Variants in PRKN observed in about 807,000 individuals in gnomAD.
PRKN encodes parkin RBR E3 ubiquitin protein ligase.
PRKN carries 56 observed loss-of-function variants against 59.5 expected under a neutral mutation model. The observed-to-expected ratio is 0.94, with a 90% confidence interval of 0.76 to 1.18. The LOEUF (loss-of-function observed/expected upper bound fraction) is 1.18. Among genes scored for constraint, PRKN ranks in the 50% most tolerant of loss-of-function variants. The probability of loss-of-function intolerance (pLI) is 0.00; values close to 1 mark genes in which losing one functional copy is unlikely to be tolerated. For synonymous variants in PRKN, 250 were observed against 222.1 expected, an observed-to-expected ratio of 1.13 and a Z score of -1.12; for missense variants, 657 against 596.4, an observed-to-expected ratio of 1.10 and a Z score of -1.06.
At chr6:162,641,352 A>T (rs1436393623) in intron 1 of PRKN, among the ~76,000 whole-genome samples, 2 of 150,936 alleles carry the variant, frequency 1.3e-5, no homozygotes, top group East Asian at 3.9e-4. Flanking sequence ...TTACACTGAA[A>T]TTTTTTTTTT....
At chr6:162,644,666 G>A (rs925367515) in intron 1 of PRKN, among the ~76,000 whole-genome samples, 1 of 152,126 alleles carries the variant, frequency 6.6e-6, no homozygotes, top group Non-Finnish European at 1.5e-5. Context: ...AATTTTCTTA[G>A]TAAACTTGTA....
chr6:161,545,258 A>T lies in PRKN; in HGVS notation c.1083+3596T>A, dbSNP rs532934181. The T allele has an allele frequency of 9.2e-6, 13 of 1,419,176 alleles. No individual in the cohort carries two copies. The East Asian group carries it at 3.1e-4, about 34-fold the overall frequency. The allele number at this position is 1,419,176 out of a possible 1,614,324, so 87.9% of individuals were successfully genotyped here. Reference sequence around the variant, plus strand: ...CGGGTGAATTCACAGGCATCTTACAATAAATCTGTGAACCACATCCTGATA... The same window carrying T: ...CGGGTGAATTCACAGGCATCTTACATTAAATCTGTGAACCACATCCTGATA... On this transcript the variant is annotated intron_variant, in intron 9 of 11. Coordinates refer to ENST00000366898, the MANE Select transcript of PRKN (RefSeq NM_004562.3). The surrounding 1 kb of genome is among the most constrained non-coding windows in gnomAD (Gnocchi z 4.1).
At chr6:162,235,981 G>GAAAGAAAGAAAGAAAGAAAGAAAGAA (rs1778677997) in intron 3 of PRKN, among the ~76,000 whole-genome samples, 1 of 105,316 alleles carries the variant, frequency 9.5e-6, no homozygotes, top group African/African-American at 3.9e-5. Context: ...AAGAAAGAAA[G>GAAAGAAAGAAAGAAAGAAAGAAAGAA]AAAGAAAGAA....
At chr6:161,957,432 G>GTTTT (rs759971034) in intron 6 of PRKN, among the ~76,000 whole-genome samples, 15,013 of 112,504 alleles carry the variant, frequency 0.13, 919 homozygotes, top group Middle Eastern at 0.18. Context: ...TTGTTTGTTT[G>GTTTT]TTTGTTTTTT....
chr6:162,546,619 T>G (rs35494059), intron 1 of PRKN, among the ~76,000 whole-genome samples: 13,298 of 151,900 alleles, frequency 0.088, 718 homozygotes, highest in South Asian at 0.18. Flanking sequence ...AATTTTTGTA[T>G]TTTTAGTTGA....
In PRKN at chr6:161,361,683, G is replaced by A. The variant is rs150676196; in HGVS notation, c.1168-1478C>T. The stretch of plus-strand genomic sequence containing the variant: ...AAGCCAATTTCGTTTCTGTTAATGA[G>A]CCATCATGGGCACAAAGGAAACACC... On this transcript the variant is annotated intron_variant, in intron 10 of 11. Transcript: ENST00000366898. This position sits in a 1 kb window ranked among gnomAD's most constrained non-coding sequence, Gnocchi z 5.2. Among the ~76,000 whole-genome samples the A allele has an allele frequency of 6.6e-6, 1 of 152,300 alleles. No homozygotes were observed. Among genetic ancestry groups the A allele is most frequent in the African/African-American group, 2.4e-5 (1 of 41,574 alleles).
chr6:162,273,303 G>A (rs1260020074), intron 2 of PRKN, among the ~76,000 whole-genome samples: 2 of 151,994 alleles, frequency 1.3e-5, no homozygotes, highest in East Asian at 3.9e-4. Context: ...ACAGTTTCAG[G>A]TGTGAGGCAC....
Position 161,488,174 on chromosome 6 carries a change from C to T in PRKN, c.1083+60680G>A, listed in dbSNP as rs73589801. ...GTTTAGAGGGCTAAATGAATGGAGG[C>T]AGCCATGCAAAAAGCTGAAGGAAGG... is the stretch of plus-strand genomic sequence containing the variant. On this transcript the variant is annotated intron_variant, in intron 9 of 11. Transcript: ENST00000366898. This position sits in a 1 kb window ranked among gnomAD's most constrained non-coding sequence, Gnocchi z 4.5. Among the ~76,000 whole-genome samples the T allele has an allele frequency of 0.031, 4,752 of 152,230 alleles. 232 individuals carry two copies. Among genetic ancestry groups the T allele is most frequent in the African/African-American group, 0.11 (4,536 of 41,512 alleles).
intron 4 of PRKN, among the ~76,000 whole-genome samples, chr6:162,060,095 C>CTA (rs1164780354): frequency 6.6e-6 from 1 of 152,146 alleles, no homozygotes; most frequent in East Asian, 1.9e-4. Context: ...AAAAAACTTG[C>CTA]CAACCCCTGA....
chr6:162,559,379 G>A (rs1779744490), intron 1 of PRKN, among the ~76,000 whole-genome samples: 1 of 151,564 alleles, frequency 6.6e-6, no homozygotes, highest in African/African-American at 2.4e-5. Context: ...CCCAGCCCCT[G>A]CCATCCCATC....
chr6:161,488,449 G>A lies in PRKN; in HGVS notation c.1083+60405C>T, dbSNP rs147930615. On this transcript the variant is annotated intron_variant, in intron 9 of 11. Transcript: ENST00000366898. This position sits in a 1 kb window ranked among gnomAD's most constrained non-coding sequence, Gnocchi z 4.5. ...TAAGTAATGTTCACAGAGGAGCAGA[G>A]AAGATAACAGAGACCGAGAAGGACA... Among the ~76,000 whole-genome samples, 37 of 152,272 alleles carry A rather than the reference G, an allele frequency of 2.4e-4. 1 individual carries two copies. In the East Asian group the frequency reaches 7.1e-3, roughly 29 times the overall value.
intron 2 of PRKN, among the ~76,000 whole-genome samples, chr6:162,343,743 CAG>C (rs1284461616): frequency 6.6e-6 from 1 of 151,892 alleles, no homozygotes; most frequent in Non-Finnish European, 1.5e-5. Context: ...GTGTAGAAGA[CAG>C]GGATTATAGA....
At chr6:161,863,879 T>C (rs1343855422) in intron 6 of PRKN, among the ~76,000 whole-genome samples, 1 of 152,220 alleles carries the variant, frequency 6.6e-6, no homozygotes, top group Non-Finnish European at 1.5e-5. Context: ...GTTTATACTA[T>C]GCCATAGTCA....
intron 3 of PRKN, among the ~76,000 whole-genome samples, chr6:162,225,132 C>T (rs1778112119): frequency 6.6e-6 from 1 of 152,162 alleles, no homozygotes; most frequent in Admixed American, 6.6e-5. Context: ...GTGGTGAGAG[C>T]ACATCTATGA....
At position 162,389,621 on chromosome 6, in the gene PRKN, T is replaced by C. The variant is rs141359813; in HGVS notation, c.171+53689A>G. ...AACCAGTGTGTATTGCAGCAGATACTTGGCAAAAGCATGTTAATTTGCTAC... is the reference window on the plus strand; with the variant it reads ...AACCAGTGTGTATTGCAGCAGATACCTGGCAAAAGCATGTTAATTTGCTAC... On this transcript the variant is annotated intron_variant, in intron 2 of 11. Transcript: ENST00000366898. 5.3e-5 allele frequency among the ~76,000 whole-genome samples: 8 copies of C among 152,326 alleles called. No individual in the cohort carries two copies. The East Asian group carries it at 7.7e-4, about 15-fold the overall frequency.
chr6:161,953,906 C>T (rs1780075888), intron 6 of PRKN, among the ~76,000 whole-genome samples: 1 of 152,126 alleles, frequency 6.6e-6, no homozygotes, highest in Non-Finnish European at 1.5e-5. Context: ...CACTTTAGTA[C>T]AAAACCTGGG....
chr6:162,519,929 A>G (rs1245832446), intron 1 of PRKN, among the ~76,000 whole-genome samples: 4 of 152,212 alleles, frequency 2.6e-5, no homozygotes, highest in African/African-American at 4.8e-5. Context: ...AATTGAAGAT[A>G]TCAAAATATA....
chr6:162,194,148 T>C (rs1384035378), intron 4 of PRKN, among the ~76,000 whole-genome samples: 8 of 152,210 alleles, frequency 5.3e-5, no homozygotes, highest in South Asian at 2.1e-4. Flanking sequence ...TTTATAACAA[T>C]AGACGTACAA....
At chr6:162,445,533 T>G in intron 1 of PRKN, among the ~76,000 whole-genome samples, 1 of 151,362 alleles carries the variant, frequency 6.6e-6, no homozygotes, top group East Asian at 1.9e-4. Flanking sequence ...CAAAAAATTT[T>G]TTTAAACAAT....
Sources: allele counts gnomAD v4.1 joint callset (sites outside exome capture counted in the v4.1 genomes callset), GRCh38; gene constraint gnomAD v4.1.1; non-coding constraint Gnocchi (gnomAD v3.1); transcripts MANE v1.5; gene names NCBI Gene and HGNC (gene_info 2026-07-23, HGNC 2026-07-21).